Variants in CDH13 observed in about 807,000 individuals in gnomAD.
The protein encoded by CDH13 is cadherin 13.
A neutral mutation model predicts 63.8 loss-of-function variants in CDH13; 24 were observed. The ratio of observed to expected loss-of-function variants is 0.38; its 90% CI spans 0.27 to 0.53. The LOEUF (loss-of-function observed/expected upper bound fraction) is 0.53, where lower values mean the gene tolerates loss of function less well. CDH13 is among the 20% of genes least tolerant of loss of function. The pLI is 0.85. For missense variants in CDH13, 1,049 were observed against 903.1 expected (o/e 1.16, Z -2.07); for synonymous variants, 503 against 355.3 (o/e 1.42, Z -4.67).
At chr16:83,779,874 G>A in intron 11 of CDH13, 94 bp from the exon 12 acceptor site, 6 of 825,848 alleles carry the variant, frequency 7.3e-6, no homozygotes, top group Non-Finnish European at 9.5e-6. Context: ...TAAAATAACT[G>A]CAAAATATAC....
intron 7 of CDH13, among the ~76,000 whole-genome samples, chr16:83,500,859 C>T (rs2074269028): frequency 6.6e-6 from 1 of 152,032 alleles, no homozygotes; most frequent in Admixed American, 6.6e-5. Flanking sequence ...GGATTGCAGG[C>T]ATAAGCCACC....
chr16:83,592,556 C>A (rs566784003), intron 7 of CDH13, among the ~76,000 whole-genome samples: 4 of 152,278 alleles, frequency 2.6e-5, no homozygotes, highest in African/African-American at 9.6e-5. Context: ...TCATCAGTGG[C>A]AGCAGAAGAT....
intron 10 of CDH13, among the ~76,000 whole-genome samples, chr16:83,698,624 G>C (rs1269064456): frequency 6.6e-6 from 1 of 152,222 alleles, no homozygotes; most frequent in African/African-American, 2.4e-5. Context: ...GGTATGAGGA[G>C]GATGCTTAGC....
chr16:83,265,805 C>T (rs1318831971), intron 5 of CDH13, among the ~76,000 whole-genome samples: 2 of 130,496 alleles, frequency 1.5e-5, no homozygotes. Context: ...ATCTTTGCTG[C>T]CGTTGTCCTC....
At chr16:83,216,443 T>C (rs187231348) in intron 4 of CDH13, among the ~76,000 whole-genome samples, 9,961 of 93,338 alleles carry the variant, frequency 0.11, 1,506 homozygotes, top group African/African-American at 0.19. Flanking sequence ...TATATATATA[T>C]ACACAACCCT....
intron 11 of CDH13, among the ~76,000 whole-genome samples, chr16:83,749,837 G>T (rs76373291): frequency 3.0e-4 from 45 of 152,290 alleles, no homozygotes; most frequent in Admixed American, 7.2e-4. Context: ...TGTCCAGCCT[G>T]GGGGGTAGTC....
chr16:82,982,663 C>G (rs989428696), intron 2 of CDH13, among the ~76,000 whole-genome samples: 5 of 152,274 alleles, frequency 3.3e-5, no homozygotes, highest in African/African-American at 1.2e-4. Flanking sequence ...ATGGCAAAAA[C>G]CACCATTAGT....
At chr16:83,794,279 C>G (rs1216403067) in intron 13 of CDH13, among the ~76,000 whole-genome samples, 4 of 152,202 alleles carry the variant, frequency 2.6e-5, no homozygotes, top group Admixed American at 6.5e-5. Flanking sequence ...GGTGCAGTGG[C>G]TCACAGGTGA....
intron 3 of CDH13, among the ~76,000 whole-genome samples, chr16:83,090,586 A>AT (rs1555582900): frequency 6.7e-6 from 1 of 149,864 alleles, no homozygotes; most frequent in Non-Finnish European, 1.5e-5. Flanking sequence ...AAAAAAAAAA[A>AT]AAAATAAGTG....
At chr16:82,700,956 C>A (rs1418371853) in intron 1 of CDH13, among the ~76,000 whole-genome samples, 2 of 5,906 alleles carry the variant, frequency 3.4e-4, no homozygotes, top group Non-Finnish European at 1.4e-3. Flanking sequence ...CTGGAACCCG[C>A]CCCCCCCCCC....
intron 2 of CDH13, among the ~76,000 whole-genome samples, chr16:82,972,660 T>A (rs1158752759): frequency 6.6e-6 from 1 of 152,200 alleles, no homozygotes; most frequent in Non-Finnish European, 1.5e-5. Context: ...GGTAAGCATT[T>A]AACACATAGT....
intron 2 of CDH13, among the ~76,000 whole-genome samples, chr16:82,921,086 T>C (rs1480180108): frequency 6.6e-6 from 1 of 152,226 alleles, no homozygotes; most frequent in Non-Finnish European, 1.5e-5. Flanking sequence ...TAAAGCCTAG[T>C]TGGTTATTTT....
intron 2 of CDH13, among the ~76,000 whole-genome samples, chr16:82,958,728 G>A (rs1426829602): frequency 6.6e-6 from 1 of 152,232 alleles, no homozygotes; most frequent in Non-Finnish European, 1.5e-5. Flanking sequence ...GCAGGTCACA[G>A]GCTCCATTGT....
intron 3 of CDH13, among the ~76,000 whole-genome samples, chr16:83,119,109 C>T (rs999138026): frequency 5.9e-5 from 9 of 152,182 alleles, no homozygotes; most frequent in Admixed American, 2.6e-4. Context: ...TAGCAGCCTC[C>T]GTGATTTTGG....
chr16:82,797,520 A>G (rs184143853), intron 1 of CDH13, among the ~76,000 whole-genome samples: 79 of 152,302 alleles, frequency 5.2e-4, no homozygotes, highest in African/African-American at 1.3e-3. Context: ...TGATCTTTCA[A>G]TGATCTGAGT....
intron 8 of CDH13, among the ~76,000 whole-genome samples, chr16:83,615,804 C>A (rs1909233208): frequency 6.6e-6 from 1 of 152,168 alleles, no homozygotes; most frequent in African/African-American, 2.4e-5. Flanking sequence ...TCTAAGAGAT[C>A]ATCTACTGCA....
At chr16:83,069,325 C>T (rs776662844) in intron 3 of CDH13, among the ~76,000 whole-genome samples, 11 of 152,144 alleles carry the variant, frequency 7.2e-5, no homozygotes, top group Admixed American at 2.0e-4. Flanking sequence ...ATGTGAGTTT[C>T]AGATTTCTGA....
chr16:83,487,719 C>G (rs940298190), intron 7 of CDH13, among the ~76,000 whole-genome samples: 2 of 152,088 alleles, frequency 1.3e-5, no homozygotes, highest in Non-Finnish European at 2.9e-5. Context: ...TTGTCCTTGA[C>G]CTTCTGTAAG....
intron 3 of CDH13, among the ~76,000 whole-genome samples, chr16:83,102,111 G>A (rs1273569357): frequency 6.6e-6 from 1 of 152,132 alleles, no homozygotes; most frequent in Non-Finnish European, 1.5e-5. Flanking sequence ...TGAAGATGAA[G>A]GAAGGGTCCA....
Sources: gnomAD v4.1 joint callset for allele counts (sites outside exome capture counted in the v4.1 genomes callset) on GRCh38, gnomAD v4.1.1 for gene constraint, MANE v1.5 for transcripts, NCBI Gene and HGNC (gene_info 2026-07-23, HGNC 2026-07-21) for gene names.